Variants in NECTIN2 observed in about 807,000 individuals in gnomAD.
NECTIN2 encodes nectin-2.
A neutral mutation model predicts 56.9 loss-of-function variants in NECTIN2; 23 were observed. The observed-to-expected ratio is 0.40, with a 90% CI of 0.29 to 0.57. NECTIN2 has a LOEUF of 0.57. NECTIN2 is among the 20% of genes least tolerant of loss of function. NECTIN2 has a pLI of 0.38. For missense variants in NECTIN2, 587 were observed against 718.3 expected, an observed-to-expected ratio of 0.82 and a Z score of 2.09; for synonymous variants, 302 against 313.8, an observed-to-expected ratio of 0.96 and a Z score of 0.40.
chr19:44,854,448 A>C (rs1345337544), intron 1 of NECTIN2, among the ~76,000 whole-genome samples: 1 of 152,072 alleles, frequency 6.6e-6, no homozygotes, highest in Non-Finnish European at 1.5e-5. Context: ...TAAATGGAGG[A>C]TTGGAGGGGA....
chr19:44,867,452 C>T (rs1326557942), intron 2 of NECTIN2, among the ~76,000 whole-genome samples: 1 of 152,218 alleles, frequency 6.6e-6, no homozygotes, highest in Non-Finnish European at 1.5e-5. Flanking sequence ...TGTGATTGTG[C>T]TACTGCACTC....
intron 1 of NECTIN2, among the ~76,000 whole-genome samples, chr19:44,860,044 G>A (rs866060678): frequency 1.1e-4 from 17 of 152,254 alleles, no homozygotes; most frequent in Admixed American, 2.0e-4. Context: ...GTGAAGCGCC[G>A]ACACGTGTTA....
intron 6 of NECTIN2, among the ~76,000 whole-genome samples, chr19:44,883,396 T>C (rs2122711863): frequency 6.6e-6 from 1 of 152,278 alleles, no homozygotes; most frequent in Middle Eastern, 3.4e-3. Flanking sequence ...AGCCTCAGCC[T>C]CTCGAGTAGC....
In NECTIN2 at chr19:44,888,542, G is replaced by A; in HGVS notation, c.*163G>A. 2.8e-6 allele frequency: 2 copies of A among 727,028 alleles called. No homozygotes were observed. The highest frequency in any genetic ancestry group is 2.2e-6 in the Non-Finnish European group (1 of 451,002). 45.0% of individuals were successfully genotyped at this position (727,028 alleles called of 1,614,324 possible). ...GGCTCCACTATGACCCCTAACCCATGAGCCCAGAGAAATTCACCGTGATAA... is the reference window on the plus strand; with the variant it reads ...GGCTCCACTATGACCCCTAACCCATAAGCCCAGAGAAATTCACCGTGATAA... On this transcript the variant is annotated 3_prime_UTR_variant, in exon 9 of 9. Transcript: ENST00000252483.
chr19:44,854,167 G>A (rs150693689), intron 1 of NECTIN2, among the ~76,000 whole-genome samples: 415 of 152,156 alleles, frequency 2.7e-3, no homozygotes, highest in Non-Finnish European at 4.5e-3. Context: ...GTGCAGTGGC[G>A]CAATCTCAGC....
intron 1 of NECTIN2, among the ~76,000 whole-genome samples, chr19:44,851,662 A>T (rs1433555443): frequency 6.6e-6 from 1 of 151,740 alleles, no homozygotes; most frequent in Non-Finnish European, 1.5e-5. Flanking sequence ...GTGTCTGGGG[A>T]CCCAGCTCAC....
intron 1 of NECTIN2, among the ~76,000 whole-genome samples, chr19:44,855,341 C>T (rs1022364605): frequency 9.0e-5 from 13 of 143,968 alleles, no homozygotes; most frequent in African/African-American, 3.1e-4. Context: ...AGGAGAATGG[C>T]ATGAACCTGG....
At chr19:44,867,087 C>T (rs868368393) in intron 2 of NECTIN2, among the ~76,000 whole-genome samples, 6 of 151,844 alleles carry the variant, frequency 4.0e-5, no homozygotes, top group African/African-American at 1.2e-4. Context: ...GGCGCGATCT[C>T]GGCTCACTGC....
rs990227466 is a variant in NECTIN2, at chr19:44,865,911, C to T, written c.478+251C>T. 6.6e-6 allele frequency among the ~76,000 whole-genome samples: 1 copy of T among 152,092 alleles called. No homozygotes were observed. Among genetic ancestry groups the T allele is most frequent in the Non-Finnish European group, 1.5e-5 (1 of 67,996 alleles). On this transcript the variant is annotated intron_variant, in intron 2 of 8. Transcript: ENST00000252483. The surrounding 1 kb of genome is among the most constrained non-coding windows in gnomAD (Gnocchi z 5.2). ...GTATTGGCTGGGCGCAGTGGCCCAC[C>T]CCTGTAATCCTAGCACTTTGGAAGG...
In NECTIN2 at chr19:44,880,475, C is replaced by CTTTT. The variant is rs4013742; in HGVS notation, c.1043-1709_1043-1706dup. Among the ~76,000 whole-genome samples, 64 of 68,882 alleles carry CTTTT rather than the reference C, an allele frequency of 9.3e-4. 12 individuals carry two copies. The highest frequency in any genetic ancestry group is 4.6e-3 in the Admixed American group (24 of 5,262). 45.2% of individuals were successfully genotyped at this position (68,882 alleles called of 152,430 possible). A position where few individuals can be genotyped will look rare whatever the true frequency, so the allele number is the denominator to read the frequency against. Reference sequence around the variant, plus strand: ...TTCTCGACCCCTTTTCCTGTCTTGCCTTTTTTTTTTTTTTTTTTTTTTTTT... The same window carrying CTTTT: ...TTCTCGACCCCTTTTCCTGTCTTGCCTTTTTTTTTTTTTTTTTTTTTTTTTTTTT... On this transcript the variant is annotated intron_variant, in intron 5 of 8. Coordinates refer to ENST00000252483, the MANE Select transcript of NECTIN2 (RefSeq NM_001042724.2).
intron 3 of NECTIN2, among the ~76,000 whole-genome samples, chr19:44,872,770 T>C (rs449281): frequency 1 from 149,233 of 149,634 alleles, 74,416 homozygotes; most frequent in Middle Eastern, 1. Flanking sequence ...CCCCTGATCC[T>C]TGATATTATT....
chr19:44,848,974 A>C (rs1043285552), intron 1 of NECTIN2, among the ~76,000 whole-genome samples: 1 of 151,516 alleles, frequency 6.6e-6, no homozygotes, highest in Non-Finnish European at 1.5e-5. Flanking sequence ...AGGCAGCCCC[A>C]CGTAGTGGAG....
At position 44,865,678 on chromosome 19, in the gene NECTIN2, G is replaced by A. The variant is rs201078351; in HGVS notation, c.478+18G>A. The A allele has an allele frequency of 1.8e-5, 27 of 1,495,944 alleles. No individual in the cohort carries two copies. Among genetic ancestry groups the A allele is most frequent in the Middle Eastern group, 1.8e-4 (1 of 5,460 alleles). 92.7% of individuals were successfully genotyped at this position (1,495,944 alleles called of 1,614,324 possible). On this transcript the variant is annotated intron_variant, in intron 2 of 8. Coordinates refer to ENST00000252483, the MANE Select transcript of NECTIN2 (RefSeq NM_001042724.2). This position sits in a 1 kb window ranked among gnomAD's most constrained non-coding sequence, Gnocchi z 5.2. ...AGTCATAGGTGAGCAGGGTAAGGGCGGGAGGCAAGGAGGTGGGAGGGCCGC... is the reference window on the plus strand; with the variant it reads ...AGTCATAGGTGAGCAGGGTAAGGGCAGGAGGCAAGGAGGTGGGAGGGCCGC...
chr19:44,883,865 A>C (rs1009450465), intron 6 of NECTIN2, among the ~76,000 whole-genome samples: 9 of 152,106 alleles, frequency 5.9e-5, no homozygotes, highest in African/African-American at 1.9e-4. Flanking sequence ...CACACCTGTA[A>C]TCCCAGCACT....
rs902549042 is a variant in NECTIN2, at chr19:44,874,982, C to T, written c.1042+504C>T. Among the ~76,000 whole-genome samples the T allele has an allele frequency of 6.6e-6, 1 of 152,164 alleles. No homozygotes were observed. Among genetic ancestry groups the T allele is most frequent in the Non-Finnish European group, 1.5e-5 (1 of 68,036 alleles). On this transcript the variant is annotated intron_variant, in intron 5 of 8. Transcript: ENST00000252483. This position sits in a 1 kb window ranked among gnomAD's most constrained non-coding sequence, Gnocchi z 6.3. ...GCAGGGCCACACACCTAGAGCGCGG[C>T]CGGGACTGTTAACAGAGCCATGCTT...
chr19:44,858,325 C>CT (rs144011930), intron 1 of NECTIN2, among the ~76,000 whole-genome samples: 23,015 of 148,646 alleles, frequency 0.15, 2,186 homozygotes, highest in East Asian at 0.46. Context: ...TCGCTGATGG[C>CT]TTTTTTTTTT....
intron 1 of NECTIN2, among the ~76,000 whole-genome samples, chr19:44,857,003 GGCA>G (rs1968972837): frequency 6.6e-6 from 1 of 152,186 alleles, no homozygotes; most frequent in Admixed American, 6.5e-5. Context: ...CCCTGGAACT[GGCA>G]CAAGGGACCC....
chr19:44,874,367 G>A lies in NECTIN2; in HGVS notation c.931G>A (p.Gly311Ser). 6.2e-7 allele frequency: 1 copy of A among 1,614,144 alleles called. No homozygotes were observed. The highest frequency in any genetic ancestry group is 8.5e-7 in the Non-Finnish European group (1 of 1,180,000). The change falls in exon 5 of 9, where the codon GGC (glycine) becomes AGC (serine). Residue 311 changes from glycine (G) to serine (S), a missense_variant. By Grantham distance (56) the Gly-to-Ser change is moderately conservative (BLOSUM62 0). Coordinates refer to ENST00000252483, the MANE Select transcript of NECTIN2 (RefSeq NM_001042724.2). The surrounding 1 kb of genome is among the most constrained non-coding windows in gnomAD (Gnocchi z 6.3). ...GTFPTSAVAQGSQLVIHAVDS... is the reference protein window; with the variant it reads ...GTFPTSAVAQSSQLVIHAVDS... ...CTTCCCGACCTCCGCAGTGGCCCAG[G>A]GCTCCCAGCTGGTCATCCACGCAGT...
chr19:44,885,771 C>T (rs1013927594), intron 6 of NECTIN2, among the ~76,000 whole-genome samples, 166 bp from the exon 7 acceptor site: 5 of 152,084 alleles, frequency 3.3e-5, no homozygotes, highest in Non-Finnish European at 5.9e-5. Flanking sequence ...TGAAGGCTTC[C>T]GGGAAAAAGA....
Sources: allele counts gnomAD v4.1 joint callset (sites outside exome capture counted in the v4.1 genomes callset), GRCh38; gene constraint gnomAD v4.1.1; non-coding constraint Gnocchi (gnomAD v3.1); transcripts MANE v1.5; gene names NCBI Gene and HGNC (gene_info 2026-07-23, HGNC 2026-07-21).